The following NRG3 variants were observed in gnomAD, a reference collection of about 807,000 sequenced individuals.
The protein encoded by NRG3 is neuregulin 3, also known as pro-neuregulin-3, membrane-bound isoform.
In NRG3, 31 loss-of-function variants were observed where a neutral mutation model predicts 66.9. That is an observed-to-expected ratio of 0.46 (90% CI 0.35 to 0.63). The LOEUF (loss-of-function observed/expected upper bound fraction) is 0.63. Ranked by LOEUF, NRG3 falls within the 20% of genes least tolerant of loss-of-function variation. The pLI is 0.00. For synonymous variants in NRG3, 393 were observed against 359.4 expected, an observed-to-expected ratio of 1.09 and a Z score of -1.06; for missense variants, 910 against 878.9, an observed-to-expected ratio of 1.04 and a Z score of -0.45.
intron 1 of NRG3, among the ~76,000 whole-genome samples, chr10:82,085,708 C>T (rs2065681056): frequency 6.6e-6 from 1 of 152,004 alleles, no homozygotes; most frequent in Non-Finnish European, 1.5e-5. Context: ...GCAGTCTTGG[C>T]TCACTGCAAC....
At chr10:82,842,647 T>G (rs2063116460) in intron 3 of NRG3, among the ~76,000 whole-genome samples, 1 of 152,222 alleles carries the variant, frequency 6.6e-6, no homozygotes, top group South Asian at 2.1e-4. Flanking sequence ...TTCCTGCTAA[T>G]TCATGAGGGA....
rs190054065 is a variant in NRG3 at position 82,205,231 on chromosome 10, A to G, written c.824-153508A>G. 6.5e-4 allele frequency among the ~76,000 whole-genome samples: 99 copies of G among 152,284 alleles called. 1 individual carries two copies. Among genetic ancestry groups the G allele is most frequent in the Admixed American group, 6.5e-3 (99 of 15,290 alleles). On this transcript the variant is annotated intron_variant, in intron 1 of 8. Coordinates refer to ENST00000372141, the MANE Select transcript of NRG3 (RefSeq NM_001010848.4). Reference sequence around the variant, plus strand: ...ATACTTCGTTCCCACTACAGATGCCATCTTGGTTCCTTCTCTACCTCTATT... The same window carrying G: ...ATACTTCGTTCCCACTACAGATGCCGTCTTGGTTCCTTCTCTACCTCTATT...
chr10:82,093,908 T>C lies in NRG3; in HGVS notation c.823+217745T>C, dbSNP rs75976861. On this transcript the variant is annotated intron_variant, in intron 1 of 8. Coordinates refer to ENST00000372141, the MANE Select transcript of NRG3 (RefSeq NM_001010848.4). ...GTCAACTGTCCTTGGTTTGAGACAC[T>C]GAGTGTGTGGAAATTGCTTTAATGC... 1.2e-3 allele frequency among the ~76,000 whole-genome samples: 186 copies of C among 152,270 alleles called. 1 individual carries two copies. The highest frequency in any genetic ancestry group is 4.4e-3 in the African/African-American group (181 of 41,566).
chr10:82,895,736 C>T lies in NRG3; in HGVS notation c.1054+30299C>T, dbSNP rs549446339. Reference sequence around the variant, plus strand: ...CGATCTCCTCACCTCGTGATCCGCCCGCCTTGGCCTCCCAAAAGTGCTGGG... The same window carrying T: ...CGATCTCCTCACCTCGTGATCCGCCTGCCTTGGCCTCCCAAAAGTGCTGGG... On this transcript the variant is annotated intron_variant, in intron 4 of 8. Coordinates refer to ENST00000372141, the MANE Select transcript of NRG3 (RefSeq NM_001010848.4). Among the ~76,000 whole-genome samples the T allele has an allele frequency of 1.4e-4, 22 of 152,206 alleles. No homozygotes were observed. In the South Asian group the frequency reaches 3.3e-3, roughly 23 times the overall value.
At chr10:82,416,482 A>G (rs1451552101) in intron 2 of NRG3, among the ~76,000 whole-genome samples, 1 of 152,184 alleles carries the variant, frequency 6.6e-6, no homozygotes, top group Non-Finnish European at 1.5e-5. Context: ...CCATAGAATG[A>G]AAAGAGAGGA....
intron 2 of NRG3, 54 bp downstream of exon 2, chr10:82,358,922 G>A: frequency 6.2e-7 from 1 of 1,611,614 alleles, no homozygotes; most frequent in Non-Finnish European, 8.5e-7. Context: ...AGGCGTGGGG[G>A]TGGAGGGTGC....
At chr10:82,202,408 A>G (rs1174789963) in intron 1 of NRG3, among the ~76,000 whole-genome samples, 1 of 152,188 alleles carries the variant, frequency 6.6e-6, no homozygotes, top group African/African-American at 2.4e-5. Flanking sequence ...TCCCTGAAGT[A>G]TTTGGGAAAC....
intron 2 of NRG3, among the ~76,000 whole-genome samples, chr10:82,471,003 C>T (rs1372726550): frequency 5.9e-5 from 9 of 152,148 alleles, no homozygotes; most frequent in African/African-American, 2.2e-4. Flanking sequence ...CCCTGCACCT[C>T]TCTGTGCAAG....
intron 2 of NRG3, among the ~76,000 whole-genome samples, chr10:82,617,865 T>A (rs1408491603): frequency 1.3e-5 from 2 of 152,200 alleles, no homozygotes; most frequent in Non-Finnish European, 2.9e-5. Context: ...TCTAATGTGC[T>A]GTGAAGATTC....
intron 4 of NRG3, among the ~76,000 whole-genome samples, chr10:82,929,955 G>T (rs1034506577): frequency 2.0e-5 from 3 of 151,996 alleles, no homozygotes; most frequent in Non-Finnish European, 4.4e-5. Context: ...TGGGCTTTTA[G>T]TTCTCGCAGA....
At position 81,875,676 on chromosome 10, in the gene NRG3, C is replaced by T. The variant is rs908874310; in HGVS notation, c.336C>T (p.Pro112=). 4.3e-6 allele frequency: 7 copies of T among 1,613,782 alleles called. No individual in the cohort carries two copies. The African/African-American group carries it at 6.7e-5, about 15-fold the overall frequency. Residue 112 remains proline, a synonymous_variant, in exon 1 of 9, where the codon CCC becomes CCT. Transcript: ENST00000372141. The surrounding 1 kb of genome is among the most constrained non-coding windows in gnomAD (Gnocchi z 5.3). ...ACTCCAAGGGGATGGGCCAGGACCC[C>T]TTCTTCCTCTCCAAGCCCAGCTCTT... ...LVDSKGMGQD[P]FFLSKPSSFP...
At chr10:82,849,708 GGAA>G (rs1183923407) in intron 3 of NRG3, among the ~76,000 whole-genome samples, 1 of 152,168 alleles carries the variant, frequency 6.6e-6, no homozygotes, top group East Asian at 1.9e-4. Flanking sequence ...ATGGCTCTGA[GGAA>G]GAAGAATGTA....
At chr10:82,008,980 T>C (rs1325287775) in intron 1 of NRG3, among the ~76,000 whole-genome samples, 2 of 152,216 alleles carry the variant, frequency 1.3e-5, no homozygotes, top group Non-Finnish European at 2.9e-5. Context: ...AATGAAGTGC[T>C]GCAGTTTGCA....
At chr10:82,613,897 C>A (rs373410019) in intron 2 of NRG3, among the ~76,000 whole-genome samples, 4 of 136,134 alleles carry the variant, frequency 2.9e-5, no homozygotes, top group African/African-American at 1.1e-4. Context: ...TCCATGTGTT[C>A]TCATTGTTTA....
chr10:82,423,783 C>A (rs2089235931), intron 2 of NRG3, among the ~76,000 whole-genome samples: 2 of 151,922 alleles, frequency 1.3e-5, no homozygotes, highest in African/African-American at 4.8e-5. Context: ...AGAAAGAAAC[C>A]TCATACCATT....
intron 1 of NRG3, among the ~76,000 whole-genome samples, chr10:82,031,514 C>T (rs1983682): frequency 0.96 from 146,533 of 152,276 alleles, 70,552 homozygotes; most frequent in African/African-American, 0.99. Flanking sequence ...TTTCACTGTA[C>T]ATGGTTTATA....
At chr10:82,583,548 T>C (rs553760888) in intron 2 of NRG3, among the ~76,000 whole-genome samples, 1 of 152,358 alleles carries the variant, frequency 6.6e-6, no homozygotes, top group South Asian at 2.1e-4. Context: ...TGTAAACCTA[T>C]GTCTTCTAGT....
intron 2 of NRG3, among the ~76,000 whole-genome samples, chr10:82,621,351 G>A (rs1003829691): frequency 2.0e-5 from 3 of 152,122 alleles, no homozygotes; most frequent in Non-Finnish European, 4.4e-5. Context: ...AACAGACCTG[G>A]GGAAAATTCC....
At chr10:82,099,834 C>T (rs1177331712) in intron 1 of NRG3, among the ~76,000 whole-genome samples, 2 of 151,830 alleles carry the variant, frequency 1.3e-5, no homozygotes, top group Admixed American at 6.6e-5. Context: ...AAAAAAACAA[C>T]TTAGCTGGTC....
Sources: gnomAD v4.1 joint callset for allele counts (sites outside exome capture counted in the v4.1 genomes callset) on GRCh38, gnomAD v4.1.1 for gene constraint, Gnocchi (gnomAD v3.1) non-coding constraint, MANE v1.5 for transcripts, NCBI Gene and HGNC (gene_info 2026-07-23, HGNC 2026-07-21) for gene names.